Variants in SNX13 observed in about 807,000 individuals in gnomAD.
The protein encoded by SNX13 is sorting nexin 13, also known as sorting nexin-13.
SNX13 carries 45 observed loss-of-function variants against 133.6 expected under a neutral mutation model. That is an observed-to-expected ratio of 0.34 (90% CI 0.27 to 0.43). The LOEUF is 0.43. Ranked by LOEUF, SNX13 falls within the 20% of genes least tolerant of loss-of-function variation. SNX13 has a pLI of 1.00. For missense variants in SNX13, 1,032 were observed against 1,145.1 expected (o/e 0.90, Z 1.43); for synonymous variants, 414 against 373.9 (o/e 1.11, Z -1.24).
At chr7:17,883,528 T>C (rs1795607051) in intron 5 of SNX13, among the ~76,000 whole-genome samples, 1 of 152,188 alleles carries the variant, frequency 6.6e-6, no homozygotes, top group African/African-American at 2.4e-5. Context: ...ATTTTTTAAT[T>C]AGGTTACTTG....
intron 13 of SNX13, among the ~76,000 whole-genome samples, chr7:17,835,957 C>T (rs1482204091): frequency 1.3e-5 from 2 of 151,882 alleles, no homozygotes; most frequent in Admixed American, 6.6e-5. Context: ...AAGTATTTAA[C>T]AAACATTAGA....
At chr7:17,908,910 C>G (rs141261619) in intron 1 of SNX13, among the ~76,000 whole-genome samples, 1 of 151,984 alleles carries the variant, frequency 6.6e-6, no homozygotes, top group Non-Finnish European at 1.5e-5. Context: ...TTGGAAAATG[C>G]GACACCTAAG....
intron 19 of SNX13, among the ~76,000 whole-genome samples, chr7:17,815,184 A>C (rs905767251): frequency 2.6e-5 from 4 of 152,278 alleles, no homozygotes; most frequent in Middle Eastern, 3.4e-3. Flanking sequence ...ATCTAATGTG[A>C]AAGTTGTCTG....
At chr7:17,866,888 A>C (rs1004770449) in intron 9 of SNX13, among the ~76,000 whole-genome samples, 4 of 152,218 alleles carry the variant, frequency 2.6e-5, no homozygotes, top group African/African-American at 9.6e-5. Context: ...AAGAAGTGAT[A>C]AATGCTGATC....
intron 1 of SNX13, among the ~76,000 whole-genome samples, chr7:17,922,679 T>A (rs895837144): frequency 3.3e-5 from 5 of 152,138 alleles, no homozygotes; most frequent in African/African-American, 1.2e-4. Flanking sequence ...GTCAATTCAC[T>A]GGGCAACTAC....
At chr7:17,834,369 GA>G (rs1171922747) in intron 14 of SNX13, among the ~76,000 whole-genome samples, 185 bp from the exon 15 acceptor site, 1 of 151,472 alleles carries the variant, frequency 6.6e-6, no homozygotes. Flanking sequence ...AAATTATATT[GA>G]AAAAAATCCT....
chr7:17,837,729 TAGAC>T (rs1331540261), intron 13 of SNX13, among the ~76,000 whole-genome samples: 2 of 152,022 alleles, frequency 1.3e-5, no homozygotes, highest in African/African-American at 2.4e-5. Flanking sequence ...GGTTTTTAAA[TAGAC>T]AGATAAACTT....
rs1783722124 is a variant in SNX13 at position 17,793,289 on chromosome 7, C to T, written c.*756G>A. 1 of 152,306 alleles carries T rather than the reference C, an allele frequency of 6.6e-6. No individual in the cohort carries two copies. Among genetic ancestry groups the T allele is most frequent in the African/African-American group, 2.4e-5 (1 of 41,406 alleles). 9.4% of individuals were successfully genotyped at this position (152,306 alleles called of 1,614,324 possible). A position where few individuals can be genotyped will look rare whatever the true frequency, so the allele number is the denominator to read the frequency against. On this transcript the variant is annotated 3_prime_UTR_variant, in exon 26 of 26. Coordinates refer to ENST00000428135, the MANE Select transcript of SNX13 (RefSeq NM_015132.5). ...TTTGAAATTTAAATGAGAGCCACCA[C>T]ATGCTTCTTTTTGCACAAAGAATGC...
intron 10 of SNX13, among the ~76,000 whole-genome samples, 176 bp from the exon 11 acceptor site, chr7:17,850,611 A>G (rs1487153030): frequency 6.6e-6 from 1 of 152,212 alleles, no homozygotes; most frequent in Non-Finnish European, 1.5e-5. Flanking sequence ...AACCATGCCA[A>G]TTACCTCCAC....
At chr7:17,915,554 T>TG (rs1418640402) in intron 1 of SNX13, among the ~76,000 whole-genome samples, 1 of 152,186 alleles carries the variant, frequency 6.6e-6, no homozygotes, top group African/African-American at 2.4e-5. Context: ...CCTCTGACTG[T>TG]GGTGGAGCAG....
intron 4 of SNX13, among the ~76,000 whole-genome samples, chr7:17,890,773 G>T (rs1257918390): frequency 6.6e-6 from 1 of 151,070 alleles, no homozygotes; most frequent in East Asian, 1.9e-4. Flanking sequence ...GTAAAGACAG[G>T]GTTTGCAGAA....
intron 15 of SNX13, chr7:17,831,954 C>T (rs572319780): frequency 8.7e-5 from 86 of 983,838 alleles, no homozygotes; most frequent in Non-Finnish European, 1.0e-4. Context: ...ATACCCATCA[C>T]TCCATATACT....
At chr7:17,904,135 G>A (rs532307299) in intron 1 of SNX13, among the ~76,000 whole-genome samples, 5 of 152,298 alleles carry the variant, frequency 3.3e-5, no homozygotes, top group South Asian at 4.1e-4. Context: ...CTATCAAGGC[G>A]TACTGACATT....
chr7:17,871,067 G>T (rs941015869), intron 8 of SNX13, among the ~76,000 whole-genome samples: 4 of 151,392 alleles, frequency 2.6e-5, no homozygotes, highest in Non-Finnish European at 4.4e-5. Context: ...GTGCAGTGGC[G>T]CGATCTCAGC....
At chr7:17,933,745 GCAATAAAA>G (rs1219052883) in intron 1 of SNX13, among the ~76,000 whole-genome samples, 2 of 149,076 alleles carry the variant, frequency 1.3e-5, no homozygotes, top group Non-Finnish European at 3.0e-5. Context: ...AAAATAGTGA[GCAATAAAA>G]CTACATGGAG....
chr7:17,792,030 T>C lies in SNX13; in HGVS notation c.*2015A>G, dbSNP rs1161390745. On this transcript the variant is annotated 3_prime_UTR_variant, in exon 26 of 26. Coordinates refer to ENST00000428135, the MANE Select transcript of SNX13 (RefSeq NM_015132.5). ...AATTTGCAATATTACATGACCTTTA[T>C]TTCCCTAATTGATGGCCAGTGCTCC... The C allele has an allele frequency of 6.6e-6, 1 of 152,154 alleles. No individual in the cohort carries two copies. Among genetic ancestry groups the C allele is most frequent in the African/African-American group, 2.4e-5 (1 of 41,458 alleles). 9.4% of individuals were successfully genotyped at this position (152,154 alleles called of 1,614,324 possible). A position where few individuals can be genotyped will look rare whatever the true frequency, so the allele number is the denominator to read the frequency against.
chr7:17,831,991 T>C (rs2128309771), intron 15 of SNX13: 2 of 983,828 alleles, frequency 2.0e-6, no homozygotes, highest in Non-Finnish European at 2.4e-6. Flanking sequence ...AAAAAAGGGA[T>C]AGGTAATTTC....
At chr7:17,933,775 C>T (rs1324357735) in intron 1 of SNX13, among the ~76,000 whole-genome samples, 1 of 144,256 alleles carries the variant, frequency 6.9e-6, no homozygotes, top group Non-Finnish European at 1.5e-5. Context: ...CTAGGATTTA[C>T]ATTCATTAGT....
chr7:17,834,367 T>C (rs974589666), intron 14 of SNX13, among the ~76,000 whole-genome samples, 183 bp from the exon 15 acceptor site: 7 of 151,790 alleles, frequency 4.6e-5, no homozygotes, highest in Admixed American at 1.3e-4. Flanking sequence ...CTAAATTATA[T>C]TGAAAAAAAT....
Sources: allele counts gnomAD v4.1 joint callset (sites outside exome capture counted in the v4.1 genomes callset), GRCh38; gene constraint gnomAD v4.1.1; transcripts MANE v1.5; gene names NCBI Gene and HGNC (gene_info 2026-07-23, HGNC 2026-07-21).